WNT3: variants seen among roughly 807,000 people sequenced by gnomAD.
WNT3 encodes the protein proto-oncogene Wnt-3.
In WNT3, 7 loss-of-function variants were observed where a neutral mutation model predicts 34.2. The observed-to-expected ratio is 0.20, with a 90% CI of 0.12 to 0.38. WNT3 has a LOEUF of 0.38. WNT3 is among the 10% of genes least tolerant of loss of function. The pLI is 1.00. For synonymous variants in WNT3, 212 were observed against 211.5 expected (o/e 1.00, Z -0.02); for missense variants, 267 against 499.8 (o/e 0.53, Z 4.44).
intron 2 of WNT3, among the ~76,000 whole-genome samples, chr17:46,772,769 C>A (rs1041535974): frequency 6.6e-6 from 1 of 151,968 alleles, no homozygotes; most frequent in Admixed American, 6.5e-5. Flanking sequence ...GCTTCCCCCC[C>A]AACCCCACCC....
intron 1 of WNT3, among the ~76,000 whole-genome samples, chr17:46,802,274 T>C (rs117246332): frequency 0.032 from 4,796 of 152,208 alleles, 128 homozygotes; most frequent in Middle Eastern, 0.11. Flanking sequence ...TTTTCTTTTA[T>C]TTATTTATTT....
At chr17:46,817,210 G>A (rs942925054) in intron 1 of WNT3, among the ~76,000 whole-genome samples, 6 of 152,184 alleles carry the variant, frequency 3.9e-5, no homozygotes, top group African/African-American at 1.2e-4. Flanking sequence ...CCCAAGTCTC[G>A]CTGTCTCTGC....
At chr17:46,779,193 G>A (rs992242899) in intron 1 of WNT3, among the ~76,000 whole-genome samples, 1 of 152,022 alleles carries the variant, frequency 6.6e-6, no homozygotes, top group Non-Finnish European at 1.5e-5. Context: ...TCCAAAGGAC[G>A]AGCCTGATGC....
At position 46,768,610 on chromosome 17, in the gene WNT3, G is replaced by C. The variant is rs1208483398; in HGVS notation, c.778C>G (p.Arg260Gly). The change falls in exon 4 of 5, where the codon CGG becomes GGG. Residue 260 changes from arginine (R) to glycine (G), a missense_variant. Around this residue, in one of 3 missense-constraint regions of WNT3, gnomAD observed 181 missense variants for 391.3 expected, o/e 0.46. Transcript: ENST00000225512. This position sits in a 1 kb window ranked among gnomAD's most constrained non-coding sequence, Gnocchi z 5.0. ...GGCTTGAAGAGCGAGTACTTGGCCC[G>C]GAGGGTCTCCACCCAGCCTCGGGAC... ...RESRGWVETLRAKYSLFKPPT... is the reference protein window; with the variant it reads ...RESRGWVETLGAKYSLFKPPT... 1 of 1,614,034 alleles carries C rather than the reference G, an allele frequency of 6.2e-7. No individual in the cohort carries two copies. Among genetic ancestry groups the C allele is most frequent in the East Asian group, 2.2e-5 (1 of 44,896 alleles).
chr17:46,795,597 T>C (rs1168497156), intron 1 of WNT3, among the ~76,000 whole-genome samples: 3 of 152,168 alleles, frequency 2.0e-5, no homozygotes, highest in Admixed American at 1.3e-4. Flanking sequence ...ACCACAGGTG[T>C]CCAGCCTGCA....
At chr17:46,789,849 G>T (rs146358846) in intron 1 of WNT3, among the ~76,000 whole-genome samples, 1 of 152,324 alleles carries the variant, frequency 6.6e-6, no homozygotes, top group African/African-American at 2.4e-5. Flanking sequence ...GAGGCCTCAC[G>T]GGGGATGCTG....
At chr17:46,775,368 G>A (rs535268185) in intron 1 of WNT3, among the ~76,000 whole-genome samples, 8 of 152,236 alleles carry the variant, frequency 5.3e-5, no homozygotes, top group African/African-American at 1.4e-4. Context: ...TGGCCAATTC[G>A]TGGAGACTCC....
At position 46,781,145 on chromosome 17, in the gene WNT3, T is replaced by C. The variant is rs548221544; in HGVS notation, c.81-7236A>G. Reference sequence around the variant, plus strand: ...CAGGAGGCTGAGACAGGAGTATTGCTTGAACCTGAGAGGCAGAGGTTACAG... The same window carrying C: ...CAGGAGGCTGAGACAGGAGTATTGCCTGAACCTGAGAGGCAGAGGTTACAG... On this transcript the variant is annotated intron_variant, in intron 1 of 4. Coordinates refer to ENST00000225512, the MANE Select transcript of WNT3 (RefSeq NM_030753.5). 5.3e-5 allele frequency among the ~76,000 whole-genome samples: 8 copies of C among 151,794 alleles called. No individual in the cohort carries two copies. In the East Asian group the frequency reaches 1.6e-3, roughly 30 times the overall value.
intron 1 of WNT3, among the ~76,000 whole-genome samples, chr17:46,779,212 C>T (rs913970319): frequency 2.0e-5 from 3 of 152,174 alleles, no homozygotes; most frequent in Admixed American, 2.0e-4. Context: ...GCCCCTCACT[C>T]GCCAGACCTC....
At chr17:46,800,571 G>A (rs2084111923) in intron 1 of WNT3, among the ~76,000 whole-genome samples, 1 of 152,224 alleles carries the variant, frequency 6.6e-6, no homozygotes, top group Non-Finnish European at 1.5e-5. Flanking sequence ...TGAGAATACA[G>A]GAAAATACAC....
chr17:46,793,228 C>T (rs561209777), intron 1 of WNT3, among the ~76,000 whole-genome samples: 56 of 128,286 alleles, frequency 4.4e-4, no homozygotes, highest in East Asian at 9.6e-4. Context: ...GAGCCAAGAT[C>T]GAGCCATTTT....
chr17:46,767,575 C>A (rs542830413), intron 4 of WNT3, among the ~76,000 whole-genome samples: 1 of 152,132 alleles, frequency 6.6e-6, no homozygotes, highest in Admixed American at 6.6e-5. Flanking sequence ...AAAGCTGAGG[C>A]CCAGAAAAGT....
intron 1 of WNT3, among the ~76,000 whole-genome samples, chr17:46,813,491 G>A (rs554371392): frequency 6.6e-6 from 1 of 150,818 alleles, no homozygotes; most frequent in African/African-American, 2.4e-5. Flanking sequence ...GGTGGGGCTA[G>A]GCATACCTCC....
chr17:46,781,760 A>G (rs775658162), intron 1 of WNT3, among the ~76,000 whole-genome samples: 21 of 152,338 alleles, frequency 1.4e-4, no homozygotes, highest in Admixed American at 1.1e-3. Flanking sequence ...TGGTGCTTGC[A>G]TCCCCAGCCT....
Position 46,768,882 on chromosome 17 carries a change from C to A in WNT3, c.589-83G>T. The stretch of plus-strand genomic sequence containing the variant: ...GGCCTTCCCTCTCTGCCACTGCCCA[C>A]CCCCTTCCCTCCAGCCTTCTCTACT... On this transcript the variant is annotated intron_variant, in intron 3 of 4. Coordinates refer to ENST00000225512, the MANE Select transcript of WNT3 (RefSeq NM_030753.5). The surrounding 1 kb of genome is among the most constrained non-coding windows in gnomAD (Gnocchi z 5.0). 1 of 1,553,876 alleles carries A rather than the reference C, an allele frequency of 6.4e-7. No homozygotes were observed. The highest frequency in any genetic ancestry group is 2.3e-4 in the Middle Eastern group (1 of 4,326).
intron 1 of WNT3, among the ~76,000 whole-genome samples, chr17:46,795,668 T>C (rs1346364219): frequency 6.6e-6 from 1 of 152,186 alleles, no homozygotes; most frequent in Non-Finnish European, 1.5e-5. Context: ...CCAAGCCCAG[T>C]TCCGGAGCAC....
At chr17:46,779,103 A>ACACACACACACACACACCCCCCC (rs749719578) in intron 1 of WNT3, among the ~76,000 whole-genome samples, 1 of 133,590 alleles carries the variant, frequency 7.5e-6, no homozygotes, top group Admixed American at 7.8e-5. Context: ...ACACACACAC[A>ACACACACACACACACACCCCCCC]CCCCAGCCCA....
chr17:46,789,569 T>G (rs2083953495), intron 1 of WNT3, among the ~76,000 whole-genome samples: 1 of 145,678 alleles, frequency 6.9e-6, no homozygotes, highest in African/African-American at 2.6e-5. Flanking sequence ...TTTAATCTGA[T>G]CTAACCAAGC....
At chr17:46,771,462 G>A (rs924309884) in intron 2 of WNT3, among the ~76,000 whole-genome samples, 8 of 149,808 alleles carry the variant, frequency 5.3e-5, no homozygotes, top group East Asian at 2.0e-4. Flanking sequence ...CCCGGGCCCC[G>A]GGCCGCGCTG....
Sources: gnomAD v4.1 joint callset for allele counts (sites outside exome capture counted in the v4.1 genomes callset) on GRCh38, gnomAD v4.1.1 for gene constraint, gnomAD v4.1.1 regional missense constraint, Gnocchi (gnomAD v3.1) non-coding constraint, MANE v1.5 for transcripts, NCBI Gene and HGNC (gene_info 2026-07-23, HGNC 2026-07-21) for gene names.